AUTS2: variants seen among roughly 807,000 people sequenced by gnomAD.
The protein encoded by AUTS2 is activator of transcription and developmental regulator AUTS2, also known as autism susceptibility gene 2 protein.
In AUTS2, 17 loss-of-function variants were observed where a neutral mutation model predicts 112.4. That is an observed-to-expected ratio of 0.15 (90% CI 0.10 to 0.23). AUTS2 has a LOEUF of 0.23. AUTS2 is among the 10% of genes least tolerant of loss of function. The pLI, the probability that AUTS2 is intolerant of heterozygous loss-of-function variation, is 1.00. For synonymous variants in AUTS2, 751 were observed against 702.7 expected, an observed-to-expected ratio of 1.07 and a Z score of -1.09; for missense variants, 1,510 against 1,701.6, an observed-to-expected ratio of 0.89 and a Z score of 1.98.
chr7:70,391,582 T>G (rs575648343), intron 4 of AUTS2, among the ~76,000 whole-genome samples: 7 of 152,272 alleles, frequency 4.6e-5, no homozygotes, highest in Admixed American at 1.3e-4. Flanking sequence ...TCTGTAAAAC[T>G]GTTATCAACC....
At chr7:70,754,795 C>T (rs953819573) in intron 6 of AUTS2, among the ~76,000 whole-genome samples, 1 of 146,138 alleles carries the variant, frequency 6.8e-6, no homozygotes, top group Non-Finnish European at 1.5e-5. Context: ...CAAAAAGATA[C>T]GGATGAATGG....
intron 2 of AUTS2, among the ~76,000 whole-genome samples, chr7:70,054,063 A>C (rs1487257915): frequency 6.6e-6 from 1 of 152,226 alleles, no homozygotes; most frequent in Non-Finnish European, 1.5e-5. Flanking sequence ...TTCTGTGCTG[A>C]TGAAAATGTC....
chr7:70,699,709 C>T (rs1050996450), intron 6 of AUTS2, among the ~76,000 whole-genome samples: 1 of 152,016 alleles, frequency 6.6e-6, no homozygotes, highest in African/African-American at 2.4e-5. Context: ...ATGGAGTATT[C>T]CAGTTTTATA....
chr7:70,766,199 C>T lies in AUTS2; in HGVS notation c.1554C>T (p.Pro518=), dbSNP rs761323917. 2.5e-6 allele frequency: 4 copies of T among 1,614,176 alleles called. No homozygotes were observed. Among genetic ancestry groups the T allele is most frequent in the Non-Finnish European group, 3.4e-6 (4 of 1,180,042 alleles). Reference sequence around the variant, plus strand: ...GCGGGGCTTCCCTGGGCCCTCCGCCCTACCTGCGGACCGAGTTCCATCAGC... The same window carrying T: ...GCGGGGCTTCCCTGGGCCCTCCGCCTTACCTGCGGACCGAGTTCCATCAGC... ...ADRGASLGPP[P]YLRTEFHQHQ... is the part of the protein sequence containing the mutation. Residue 518 remains proline, a synonymous_variant, in exon 9 of 19, where the codon CCC becomes CCT. Transcript: ENST00000342771. This position sits in a 1 kb window ranked among gnomAD's most constrained non-coding sequence, Gnocchi z 4.8.
At chr7:70,368,475 G>A (rs1457775199) in intron 4 of AUTS2, among the ~76,000 whole-genome samples, 1 of 152,138 alleles carries the variant, frequency 6.6e-6, no homozygotes, top group Non-Finnish European at 1.5e-5. Flanking sequence ...ATAAAATGAG[G>A]CATTGGGCAG....
At chr7:69,949,942 A>G (rs1362128159) in intron 2 of AUTS2, among the ~76,000 whole-genome samples, 1 of 152,166 alleles carries the variant, frequency 6.6e-6, no homozygotes, top group East Asian at 1.9e-4. Flanking sequence ...TCTAATTATG[A>G]TCTTAACTCT....
intron 1 of AUTS2, among the ~76,000 whole-genome samples, chr7:69,736,000 G>C (rs1479209889): frequency 1.3e-5 from 2 of 152,190 alleles, no homozygotes; most frequent in South Asian, 4.1e-4. Flanking sequence ...TGTGTCTGCA[G>C]GGACTTTGTT....
At chr7:70,448,973 T>C (rs1169135419) in intron 5 of AUTS2, among the ~76,000 whole-genome samples, 3 of 152,274 alleles carry the variant, frequency 2.0e-5, no homozygotes, top group Non-Finnish European at 4.4e-5. Flanking sequence ...TTTGAAACTC[T>C]TAAGTTGTAA....
chr7:69,947,318 CAG>C (rs1796854379), intron 2 of AUTS2, among the ~76,000 whole-genome samples: 1 of 152,112 alleles, frequency 6.6e-6, no homozygotes, highest in African/African-American at 2.4e-5. Flanking sequence ...GCTTATGTGA[CAG>C]AAAGTTCATG....
chr7:70,254,722 CACAAATGTT>C (rs1233071416), intron 4 of AUTS2, among the ~76,000 whole-genome samples: 1 of 152,168 alleles, frequency 6.6e-6, no homozygotes, highest in Non-Finnish European at 1.5e-5. Context: ...GAGCAAATTT[CACAAATGTT>C]ATATTTGTAA....
At chr7:70,227,449 A>C (rs970130683) in intron 4 of AUTS2, among the ~76,000 whole-genome samples, 6 of 152,122 alleles carry the variant, frequency 3.9e-5, no homozygotes, top group African/African-American at 1.4e-4. Context: ...GAGATTTGTA[A>C]CCATCACCAC....
intron 5 of AUTS2, among the ~76,000 whole-genome samples, chr7:70,573,850 A>G (rs1053036629): frequency 1.5e-4 from 23 of 152,116 alleles, no homozygotes; most frequent in African/African-American, 5.1e-4. Context: ...TTCTCCAAAG[A>G]ATGCATTAAT....
At chr7:70,667,642 T>C (rs970141357) in intron 5 of AUTS2, among the ~76,000 whole-genome samples, 2 of 152,206 alleles carry the variant, frequency 1.3e-5, no homozygotes, top group African/African-American at 4.8e-5. Flanking sequence ...TTCAAAACTT[T>C]GGTAAGACTG....
At chr7:70,255,511 C>T (rs1045876210) in intron 4 of AUTS2, among the ~76,000 whole-genome samples, 3 of 152,150 alleles carry the variant, frequency 2.0e-5, no homozygotes, top group African/African-American at 7.2e-5. Flanking sequence ...CATTCCAAAC[C>T]AGAGCCCCAC....
chr7:70,638,523 G>A (rs904110125), intron 5 of AUTS2, among the ~76,000 whole-genome samples: 1 of 151,718 alleles, frequency 6.6e-6, no homozygotes, highest in East Asian at 1.9e-4. Context: ...TGGCATTACA[G>A]TATTACACAC....
At chr7:70,734,739 A>C (rs1353955509) in intron 6 of AUTS2, among the ~76,000 whole-genome samples, 1 of 152,182 alleles carries the variant, frequency 6.6e-6, no homozygotes, top group East Asian at 1.9e-4. Context: ...CTGTTGTGTG[A>C]TATCTGCCCT....
intron 5 of AUTS2, among the ~76,000 whole-genome samples, chr7:70,660,175 TC>T (rs1357698587): frequency 1.4e-5 from 2 of 147,828 alleles, no homozygotes. Flanking sequence ...AGACTCTGTC[TC>T]AAAAAAAAAA....
At chr7:69,712,312 C>T (rs1798363787) in intron 1 of AUTS2, among the ~76,000 whole-genome samples, 1 of 152,178 alleles carries the variant, frequency 6.6e-6, no homozygotes, top group Admixed American at 6.6e-5. Flanking sequence ...GAAACCATCT[C>T]ACAGTGAGGA....
At chr7:70,270,266 TAAC>T (rs893378232) in intron 4 of AUTS2, among the ~76,000 whole-genome samples, 4 of 152,180 alleles carry the variant, frequency 2.6e-5, no homozygotes, top group South Asian at 2.1e-4. Context: ...TCCCAGCAAA[TAAC>T]AACAACAACA....
Sources: allele counts gnomAD v4.1 joint callset (sites outside exome capture counted in the v4.1 genomes callset), GRCh38; gene constraint gnomAD v4.1.1; non-coding constraint Gnocchi (gnomAD v3.1); transcripts MANE v1.5; gene names NCBI Gene and HGNC (gene_info 2026-07-23, HGNC 2026-07-21).